Variants in LYRM4 observed in about 807,000 individuals in gnomAD.
LYRM4 encodes LYR motif-containing protein 4.
In LYRM4, 9 loss-of-function variants were observed where a neutral mutation model predicts 11.7. The ratio of observed to expected loss-of-function variants is 0.77; its 90% CI spans 0.46 to 1.34. LYRM4 has a LOEUF of 1.34. LYRM4 is among the 40% of genes most tolerant of loss of function. The probability of loss-of-function intolerance (pLI) is 0.00; values close to 1 mark genes in which losing one functional copy is unlikely to be tolerated. For synonymous variants in LYRM4, 42 were observed against 40.4 expected, an observed-to-expected ratio of 1.04 and a Z score of -0.15; for missense variants, 133 against 112.5, an observed-to-expected ratio of 1.18 and a Z score of -0.82.
the LYRM4 span, chr6:5,086,364 A>G: frequency 3.9e-6 from 6 of 1,535,960 alleles, no homozygotes; most frequent in African/African-American, 1.4e-5. Flanking sequence ...ATGCCAAGAA[A>G]GAGCCAGGCG....
At chr6:5,052,620 A>T in the LYRM4 span, among the ~76,000 whole-genome samples, 2 of 152,196 alleles carry the variant, frequency 1.3e-5, no homozygotes, top group African/African-American at 4.8e-5. Flanking sequence ...TCAGGAAGGT[A>T]GTTTTAAAGA....
intron 2 of LYRM4, among the ~76,000 whole-genome samples, chr6:5,161,083 A>G (rs1758734172): frequency 6.6e-6 from 1 of 152,356 alleles, no homozygotes; most frequent in East Asian, 1.9e-4. Context: ...ACATATGTGG[A>G]ATATCTAAAA....
intron 1 of LYRM4, among the ~76,000 whole-genome samples, chr6:5,250,746 A>T (rs578235963): frequency 5.3e-5 from 8 of 152,204 alleles, no homozygotes; most frequent in Admixed American, 2.0e-4. Flanking sequence ...TATGGAAACA[A>T]CTTAGAAAAT....
intron 2 of LYRM4, among the ~76,000 whole-genome samples, chr6:5,171,910 T>C (rs1759451565): frequency 1.3e-5 from 2 of 152,282 alleles, no homozygotes; most frequent in South Asian, 2.1e-4. Flanking sequence ...TCAGAGTTCA[T>C]CAATTTCTAG....
At chr6:5,255,009 T>C (rs1457805784) in intron 1 of LYRM4, among the ~76,000 whole-genome samples, 3 of 152,166 alleles carry the variant, frequency 2.0e-5, no homozygotes, top group Non-Finnish European at 4.4e-5. Context: ...GCTCTGGTAA[T>C]GGTACCAGAG....
downstream of LYRM4, chr6:5,105,663 A>G (rs1405598908): frequency 2.0e-5 from 3 of 152,158 alleles, no homozygotes; most frequent in African/African-American, 4.8e-5. Flanking sequence ...AAAATATAAA[A>G]CTTAGCTGGG....
At chr6:5,199,352 G>A (rs1761252376) in intron 2 of LYRM4, among the ~76,000 whole-genome samples, 1 of 152,178 alleles carries the variant, frequency 6.6e-6, no homozygotes, top group Non-Finnish European at 1.5e-5. Context: ...GATTGGCTAG[G>A]GCTAGGGAAG....
intron 2 of LYRM4, among the ~76,000 whole-genome samples, chr6:5,115,150 T>A (rs1403346972): frequency 1.3e-5 from 2 of 152,250 alleles, no homozygotes; most frequent in Admixed American, 1.3e-4. Flanking sequence ...TTCCACTTAA[T>A]GCTAGGATTA....
At chr6:5,085,973 G>T in the LYRM4 span, 15 of 1,527,002 alleles carry the variant, frequency 9.8e-6, no homozygotes, top group African/African-American at 1.4e-5. Context: ...GTGCTCTCGC[G>T]CCTCCGAAGC....
intron 2 of LYRM4, among the ~76,000 whole-genome samples, chr6:5,175,129 T>C (rs1026722420): frequency 6.6e-6 from 1 of 152,224 alleles, no homozygotes; most frequent in African/African-American, 2.4e-5. Flanking sequence ...GGGATAAACA[T>C]AAATGTGCAA....
chr6:5,136,367 G>A (rs1258166069), intron 2 of LYRM4: 3 of 985,310 alleles, frequency 3.0e-6, no homozygotes, highest in Non-Finnish European at 3.6e-6. Context: ...CTGGGGCTGG[G>A]TTGAGGGTGG....
chr6:5,035,030 C>A, the LYRM4 span, among the ~76,000 whole-genome samples: 21 of 152,040 alleles, frequency 1.4e-4, 1 homozygote, highest in East Asian at 4.1e-3. Context: ...GCTGATGAGA[C>A]CTGCGTGTTC....
intron 2 of LYRM4, chr6:5,148,314 G>C (rs1350575731): frequency 6.5e-6 from 1 of 154,898 alleles, no homozygotes; most frequent in Admixed American, 6.5e-5. Context: ...CCACTACCCA[G>C]TGCCTCAATA....
Position 5,144,486 on chromosome 6 carries a change from A to T in LYRM4, c.208-34995T>A, listed in dbSNP as rs148259873. Among the ~76,000 whole-genome samples, 562 of 151,886 alleles carry T rather than the reference A, an allele frequency of 3.7e-3. 2 individuals carry two copies. Among genetic ancestry groups the T allele is most frequent in the Admixed American group, 6.9e-3 (106 of 15,252 alleles). ...CCCCGTCTCTACTAAAAACACAAAA[A>T]ATTAGCCGGGCATGGCGGTGGGCGC... On this transcript the variant is annotated intron_variant, in intron 2 of 2. Coordinates refer to ENST00000330636, the MANE Select transcript of LYRM4 (RefSeq NM_020408.6).
chr6:5,066,616 G>T, the LYRM4 span: 1 of 1,202,286 alleles, frequency 8.3e-7, no homozygotes, highest in Non-Finnish European at 1.2e-6. Context: ...TCACTTTCAA[G>T]GGCAACCACT....
At chr6:5,115,106 T>G (rs1763059738) in intron 2 of LYRM4, among the ~76,000 whole-genome samples, 1 of 152,242 alleles carries the variant, frequency 6.6e-6, no homozygotes, top group South Asian at 2.1e-4. Context: ...CACAATCTAT[T>G]TAATCACTCC....
chr6:5,250,134 CTATCTT>C (rs1247871265), intron 1 of LYRM4, among the ~76,000 whole-genome samples: 7 of 152,126 alleles, frequency 4.6e-5, no homozygotes, highest in Non-Finnish European at 8.8e-5. Flanking sequence ...CTTATATTCT[CTATCTT>C]TATTTTCTCA....
At chr6:5,085,272 G>A in the LYRM4 span, 1 of 494,696 alleles carries the variant, frequency 2.0e-6, no homozygotes, top group South Asian at 3.4e-5. Flanking sequence ...CCGGCCCCAG[G>A]CCCGCATCCT....
rs1335927605 is a variant in LYRM4, at chr6:5,135,514, ACTGTGGAGGGTGCGGATCGCTCCTGGGG to A, written c.208-26051_208-26024del. On this transcript the variant is annotated intron_variant, in intron 2 of 2. Coordinates refer to ENST00000330636, the MANE Select transcript of LYRM4 (RefSeq NM_020408.6). ...GTGGAGGGTGCGGTTCACTCCCGGG[ACTGTGGAGGGTGCGGATCGCTCCTGGGG>A]CTGTGGAGGGTGCGGATCGCTCCAG... is the stretch of plus-strand genomic sequence containing the variant. Among the ~76,000 whole-genome samples the A allele has an allele frequency of 1.1e-3, 20 of 17,976 alleles. 4 individuals carry two copies. The highest frequency in any genetic ancestry group is 6.0e-3 in the African/African-American group (18 of 2,986). 11.8% of individuals were successfully genotyped at this position (17,976 alleles called of 152,430 possible).
Sources: allele counts gnomAD v4.1 joint callset (sites outside exome capture counted in the v4.1 genomes callset), GRCh38; gene constraint gnomAD v4.1.1; transcripts MANE v1.5; gene names NCBI Gene and HGNC (gene_info 2026-07-23, HGNC 2026-07-21).